MEAF6: variants seen among roughly 807,000 people sequenced by gnomAD.
The protein encoded by MEAF6 is MYST/Esa1 associated factor 6.
A neutral mutation model predicts 28.9 loss-of-function variants in MEAF6; 15 were observed. The ratio of observed to expected loss-of-function variants is 0.52; its 90% CI spans 0.35 to 0.80. The LOEUF is 0.80. Ranked by LOEUF, MEAF6 falls within the 30% of genes least tolerant of loss-of-function variation. The pLI is 0.01. For missense variants in MEAF6, 178 were observed against 237.5 expected (o/e 0.75, Z 1.65); for synonymous variants, 97 against 88.7 (o/e 1.09, Z -0.53).
rs184768988 is a variant in MEAF6, at chr1:37,490,839, A to C, written c.*3260T>G. ...CAGGAGTTTGAGTCCAGCCTGGCCA[A>C]TATGGTGAAACCCGGTCTCTATTGA... On this transcript the variant is annotated 3_prime_UTR_variant, in exon 7 of 7. Coordinates refer to ENST00000296214, the MANE Select transcript of MEAF6 (RefSeq NM_001270875.3). 6.6e-6 allele frequency among the ~76,000 whole-genome samples: 1 copy of C among 151,534 alleles called. No individual in the cohort carries two copies. The highest frequency in any genetic ancestry group is 1.5e-5 in the Non-Finnish European group (1 of 67,888).
chr1:37,514,751 G>A lies in MEAF6; in HGVS notation c.-5C>T, dbSNP rs953360737. The A allele has an allele frequency of 5.4e-6, 8 of 1,471,200 alleles. No individual in the cohort carries two copies. Among genetic ancestry groups the A allele is most frequent in the African/African-American group, 1.5e-5 (1 of 68,136 alleles). The allele number at this position is 1,471,200 out of a possible 1,614,324, so 91.1% of individuals were successfully genotyped here. A position where few individuals can be genotyped will look rare whatever the true frequency, so the allele number is the denominator to read the frequency against. On this transcript the variant is annotated 5_prime_UTR_variant, in exon 1 of 7. Transcript: ENST00000296214. ...CGCCTTGTTGTGCATCGCCATGTTG[G>A]GCTGAGGCGGGCGGCGGCGGCGCGA...
chr1:37,494,676 CA>C (rs1642056105), intron 6 of MEAF6, among the ~76,000 whole-genome samples: 1 of 151,388 alleles, frequency 6.6e-6, no homozygotes, highest in African/African-American at 2.4e-5. Context: ...ACAAAAAACA[CA>C]AAAATTAGCC....
At chr1:37,508,209 T>C (rs965514560) in intron 4 of MEAF6, among the ~76,000 whole-genome samples, 1 of 150,632 alleles carries the variant, frequency 6.6e-6, no homozygotes, top group Non-Finnish European at 1.5e-5. Flanking sequence ...ACAGAGTAAA[T>C]AGCACTATTT....
chr1:37,514,564 A>C, intron 1 of MEAF6, 93 bp downstream of exon 1: 12 of 913,616 alleles, frequency 1.3e-5, no homozygotes, highest in East Asian at 3.7e-5. Flanking sequence ...GCGCCCCCGG[A>C]GTAACAAACG....
chr1:37,494,180 A>AG, intron 6 of MEAF6, 73 bp from the exon 7 acceptor site: 1 of 1,328,050 alleles, frequency 7.5e-7, no homozygotes, highest in Admixed American at 2.0e-5. Context: ...GAAAAAAAAA[A>AG]TCTCATAAAC....
chr1:37,495,317 C>A (rs1569951124), intron 6 of MEAF6, among the ~76,000 whole-genome samples: 2 of 149,900 alleles, frequency 1.3e-5, no homozygotes. Context: ...GGCAACAGAG[C>A]AAGACTCCGT....
rs148567480 is a variant in MEAF6 at position 37,493,581 on chromosome 1, G to A, written c.*518C>T. ...AAGAGATGATCAGATATGTCAGCAG[G>A]AAAGTATGAGCTGTACAAAGGCATT... On this transcript the variant is annotated 3_prime_UTR_variant, in exon 7 of 7. Coordinates refer to ENST00000296214, the MANE Select transcript of MEAF6 (RefSeq NM_001270875.3). 124 of 591,972 alleles carry A rather than the reference G, an allele frequency of 2.1e-4. No homozygotes were observed. The East Asian group carries it at 3.4e-3, about 16-fold the overall frequency. The allele number at this position is 591,972 out of a possible 1,614,324, so 36.7% of individuals were successfully genotyped here.
At chr1:37,510,381 A>AT (rs34785696) in intron 2 of MEAF6, among the ~76,000 whole-genome samples, 49,263 of 95,036 alleles carry the variant, frequency 0.52, 14,894 homozygotes, top group East Asian at 0.91. Flanking sequence ...GCACCTAGCC[A>AT]TTTTTTTTTT....
chr1:37,502,102 T>A (rs905168743), intron 4 of MEAF6, 106 bp from the exon 5 acceptor site: 11 of 820,134 alleles, frequency 1.3e-5, no homozygotes, highest in Non-Finnish European at 1.8e-5. Flanking sequence ...TTCCCTATCC[T>A]CTAATTGACA....
At chr1:37,504,987 G>A (rs1241827215) in intron 4 of MEAF6, among the ~76,000 whole-genome samples, 2 of 151,590 alleles carry the variant, frequency 1.3e-5, no homozygotes, top group African/African-American at 2.4e-5. Context: ...TGGTTCAAAC[G>A]GTTCCCCTGC....
At chr1:37,502,172 C>T (rs1034475219) in intron 4 of MEAF6, among the ~76,000 whole-genome samples, 176 bp from the exon 5 acceptor site, 8 of 151,436 alleles carry the variant, frequency 5.3e-5, no homozygotes, top group Non-Finnish European at 1.5e-5. Flanking sequence ...TACAAAGGAT[C>T]CAAGTGACCA....
At chr1:37,509,140 T>G (rs1322788953) in intron 4 of MEAF6, 138 bp downstream of exon 4, 1 of 819,854 alleles carries the variant, frequency 1.2e-6, no homozygotes, top group African/African-American at 1.7e-5. Flanking sequence ...CCTAAAAGTT[T>G]CAAAACTTCC....
At chr1:37,494,410 G>A (rs1642043260) in intron 6 of MEAF6, among the ~76,000 whole-genome samples, 1 of 151,076 alleles carries the variant, frequency 6.6e-6, no homozygotes, top group African/African-American at 2.4e-5. Flanking sequence ...AGCTACTCAG[G>A]AGGCTGAGGT....
intron 2 of MEAF6, among the ~76,000 whole-genome samples, chr1:37,512,369 T>A (rs1240696689): frequency 6.6e-6 from 1 of 152,176 alleles, no homozygotes; most frequent in African/African-American, 2.4e-5. Context: ...AAATGTGAAA[T>A]GTAAATATAG....
At chr1:37,510,054 G>A (rs886883878) in intron 2 of MEAF6, among the ~76,000 whole-genome samples, 5 of 151,786 alleles carry the variant, frequency 3.3e-5, no homozygotes, top group Non-Finnish European at 7.4e-5. Context: ...TGGGATTACA[G>A]GCATGAGCCA....
intron 5 of MEAF6, among the ~76,000 whole-genome samples, chr1:37,499,919 A>G (rs981226174): frequency 2.0e-5 from 3 of 152,226 alleles, no homozygotes; most frequent in Admixed American, 2.0e-4. Context: ...CTATCTACAG[A>G]CTATTAATCA....
chr1:37,502,493 C>G (rs1416788310), intron 4 of MEAF6, among the ~76,000 whole-genome samples: 5 of 150,578 alleles, frequency 3.3e-5, no homozygotes, highest in African/African-American at 9.7e-5. Context: ...AAAGGGGGGG[C>G]CAAAGAGGGA....
At chr1:37,505,294 GA>G (rs556025628) in intron 4 of MEAF6, among the ~76,000 whole-genome samples, 398 of 152,286 alleles carry the variant, frequency 2.6e-3, no homozygotes, top group African/African-American at 9.2e-3. Flanking sequence ...CAAAAAAGCA[GA>G]AGAGAGAAAT....
In MEAF6 at chr1:37,492,898, T is replaced by C. The variant is rs1039721300; in HGVS notation, c.*1201A>G. The stretch of plus-strand genomic sequence containing the variant: ...GGAACTCTTTTAAAGAAATTCCCAA[T>C]AACTAGGCTGTACCCCAGTCTCTAG... On this transcript the variant is annotated 3_prime_UTR_variant, in exon 7 of 7. Coordinates refer to ENST00000296214, the MANE Select transcript of MEAF6 (RefSeq NM_001270875.3). 4 of 152,212 alleles carry C rather than the reference T, an allele frequency of 2.6e-5. No individual in the cohort carries two copies. The highest frequency in any genetic ancestry group is 7.2e-5 in the African/African-American group (3 of 41,466). The allele number at this position is 152,212 out of a possible 1,614,324, so 9.4% of individuals were successfully genotyped here.
Sources: allele counts gnomAD v4.1 joint callset (sites outside exome capture counted in the v4.1 genomes callset), GRCh38; gene constraint gnomAD v4.1.1; transcripts MANE v1.5; gene names NCBI Gene and HGNC (gene_info 2026-07-23, HGNC 2026-07-21).